ADD1: variants seen among roughly 807,000 people sequenced by gnomAD.
ADD1 encodes the protein alpha-adducin.
Under a neutral mutation model 80.5 loss-of-function variants are expected in ADD1, and 24 were observed. The ratio of observed to expected loss-of-function variants is 0.30; its 90% CI spans 0.22 to 0.42. The LOEUF (loss-of-function observed/expected upper bound fraction) is 0.42, where lower values mean the gene tolerates loss of function less well. Ranked by LOEUF, ADD1 falls within the 10% of genes least tolerant of loss-of-function variation. ADD1 has a pLI of 1.00. For missense variants in ADD1, 948 were observed against 1,019.0 expected, an observed-to-expected ratio of 0.93 and a Z score of 0.95; for synonymous variants, 373 against 393.8, an observed-to-expected ratio of 0.95 and a Z score of 0.63.
At chr4:2,852,138 T>TTTTG (rs1553815105) in intron 1 of ADD1, among the ~76,000 whole-genome samples, 1 of 97,580 alleles carries the variant, frequency 1.0e-5, no homozygotes. Flanking sequence ...ACCCGGCCTC[T>TTTTG]TTTCTTTCTT....
intron 4 of ADD1, among the ~76,000 whole-genome samples, chr4:2,893,446 C>T (rs888167813): frequency 6.6e-6 from 1 of 152,016 alleles, no homozygotes; most frequent in Admixed American, 6.5e-5. Context: ...AACCCTGTCT[C>T]TATACAAAAT....
intron 4 of ADD1, 126 bp from the exon 5 acceptor site, chr4:2,893,886 AT>A (rs1217951075): frequency 1.3e-6 from 1 of 769,018 alleles, no homozygotes; most frequent in African/African-American, 1.7e-5. Flanking sequence ...CGTGACAGGC[AT>A]TGTGCATGGA....
chr4:2,847,129 A>T (rs1420741436), intron 1 of ADD1, among the ~76,000 whole-genome samples: 1 of 151,946 alleles, frequency 6.6e-6, no homozygotes, highest in Non-Finnish European at 1.5e-5. Context: ...AAAAAAACAA[A>T]AACAAAAACA....
At chr4:2,846,314 C>G (rs1321286123) in intron 1 of ADD1, among the ~76,000 whole-genome samples, 1 of 152,164 alleles carries the variant, frequency 6.6e-6, no homozygotes, top group Non-Finnish European at 1.5e-5. Context: ...CAATTTTACT[C>G]TGTGGCATAG....
chr4:2,852,247 C>CCTT (rs1364160509), intron 1 of ADD1, among the ~76,000 whole-genome samples: 1,105 of 65,914 alleles, frequency 0.017, 14 homozygotes, highest in African/African-American at 0.033. Context: ...TTCTTTCTTT[C>CCTT]TCTTTCTTTC....
intron 12 of ADD1, 113 bp from the exon 13 acceptor site, chr4:2,909,218 CCACACTTA>C: frequency 2.5e-6 from 2 of 808,830 alleles, no homozygotes; most frequent in Non-Finnish European, 4.1e-6. Flanking sequence ...ATCATCACTG[CCACACTTA>C]CTGTTGACAG....
chr4:2,861,407 T>G (rs185027722), intron 1 of ADD1, among the ~76,000 whole-genome samples: 79 of 152,286 alleles, frequency 5.2e-4, no homozygotes, highest in Non-Finnish European at 9.3e-4. Flanking sequence ...TATTAATACC[T>G]TTATGGAGAA....
chr4:2,884,874 T>C (rs1432018214), intron 4 of ADD1, among the ~76,000 whole-genome samples: 7 of 152,240 alleles, frequency 4.6e-5, no homozygotes, highest in Admixed American at 4.6e-4. Flanking sequence ...TGAAAATTTC[T>C]TTCTTGCGTG....
chr4:2,904,608 T>G, intron 9 of ADD1, 156 bp from the exon 10 acceptor site: 1 of 682,260 alleles, frequency 1.5e-6, no homozygotes, highest in Non-Finnish European at 2.5e-6. Flanking sequence ...GGTGAACACA[T>G]TTGCTTCTGT....
At chr4:2,927,864 C>T (rs762840874) in intron 15 of ADD1, among the ~76,000 whole-genome samples, 5 of 152,078 alleles carry the variant, frequency 3.3e-5, no homozygotes, top group African/African-American at 7.2e-5. Flanking sequence ...CTCCTTTAGT[C>T]GTCCTCAGCT....
chr4:2,885,862 G>C (rs965859974), intron 4 of ADD1, among the ~76,000 whole-genome samples: 2 of 152,066 alleles, frequency 1.3e-5, no homozygotes, highest in South Asian at 4.1e-4. Context: ...CGCCCGCCTT[G>C]GCCTCCCAAA....
rs543758873 is a variant in ADD1, at chr4:2,874,699, T to TA, written c.-20-1188dup. Among the ~76,000 whole-genome samples, 196 of 151,374 alleles carry TA rather than the reference T, an allele frequency of 1.3e-3. 1 individual carries two copies. In the East Asian group the frequency reaches 0.015, roughly 11 times the overall value. On this transcript the variant is annotated intron_variant, in intron 1 of 15. Coordinates refer to ENST00000683351, the MANE Select transcript of ADD1 (RefSeq NM_001354761.2). ...AGAAATATCAAATTGATCTTTTTCT[T>TA]AAAAAAAAACACTAATTTCTTCAAC...
chr4:2,866,579 C>A (rs957813789), intron 1 of ADD1, among the ~76,000 whole-genome samples: 2 of 151,678 alleles, frequency 1.3e-5, no homozygotes, highest in African/African-American at 4.8e-5. Flanking sequence ...CATTCATTTA[C>A]CAAATATTTA....
At chr4:2,868,194 G>C (rs1435642094) in intron 1 of ADD1, 1 of 152,248 alleles carries the variant, frequency 6.6e-6, no homozygotes, top group Non-Finnish European at 1.5e-5. Context: ...AGCAGTGGGG[G>C]GTTAGAGCTT....
At chr4:2,920,760 G>T (rs1410479195) in intron 14 of ADD1, among the ~76,000 whole-genome samples, 2 of 125,646 alleles carry the variant, frequency 1.6e-5, no homozygotes, top group African/African-American at 5.5e-5. Flanking sequence ...CCTGAATACA[G>T]CACAGTGACA....
At chr4:2,860,995 C>A (rs1162968168) in intron 1 of ADD1, among the ~76,000 whole-genome samples, 1 of 152,106 alleles carries the variant, frequency 6.6e-6, no homozygotes, top group Non-Finnish European at 1.5e-5. Context: ...GGGGACTATT[C>A]TAAATAGGGT....
intron 6 of ADD1, among the ~76,000 whole-genome samples, chr4:2,896,881 C>T (rs1735333029): frequency 6.6e-6 from 1 of 152,104 alleles, no homozygotes; most frequent in East Asian, 1.9e-4. Flanking sequence ...ACCTCAGCCT[C>T]CTGAGTAGGT....
intron 3 of ADD1, among the ~76,000 whole-genome samples, chr4:2,883,583 G>T (rs1024405344): frequency 4.6e-5 from 7 of 151,938 alleles, no homozygotes; most frequent in African/African-American, 1.2e-4. Context: ...ACCCATGCTG[G>T]AGTACAGTGG....
At chr4:2,876,190 G>C in intron 2 of ADD1, 80 bp downstream of exon 2, 2 of 1,363,050 alleles carry the variant, frequency 1.5e-6, no homozygotes, top group Non-Finnish European at 2.0e-6. Context: ...TGTTGTATGA[G>C]TGGCATAGTT....
Sources: gnomAD v4.1 joint callset for allele counts (sites outside exome capture counted in the v4.1 genomes callset) on GRCh38, gnomAD v4.1.1 for gene constraint, MANE v1.5 for transcripts, NCBI Gene and HGNC (gene_info 2026-07-23, HGNC 2026-07-21) for gene names.